PLXDC2: variants seen among roughly 807,000 people sequenced by gnomAD.
The protein encoded by PLXDC2 is plexin domain containing 2, also known as plexin domain-containing protein 2.
In PLXDC2, 40 loss-of-function variants were observed where a neutral mutation model predicts 68.9. The observed-to-expected ratio is 0.58, with a 90% CI of 0.45 to 0.76. The LOEUF (loss-of-function observed/expected upper bound fraction) is 0.76, where lower values mean the gene tolerates loss of function less well. Among genes scored for constraint, PLXDC2 ranks in the 30% least tolerant of loss-of-function variants. PLXDC2 has a pLI of 0.00. For synonymous variants in PLXDC2, 243 were observed against 234.2 expected (o/e 1.04, Z -0.34); for missense variants, 644 against 661.9 (o/e 0.97, Z 0.30).
chr10:19,987,552 G>C (rs1370893905), intron 1 of PLXDC2, among the ~76,000 whole-genome samples: 1 of 78,442 alleles, frequency 1.3e-5, no homozygotes, highest in Non-Finnish European at 2.6e-5. Flanking sequence ...ATGTTATTTG[G>C]TTTTGTTTTG....
chr10:20,072,045 A>G (rs1161270578), intron 4 of PLXDC2, among the ~76,000 whole-genome samples: 2 of 152,038 alleles, frequency 1.3e-5, no homozygotes, highest in Non-Finnish European at 2.9e-5. Flanking sequence ...GTTGTGGAGT[A>G]CTTTGAACGT....
chr10:19,903,995 G>A (rs985683395), intron 1 of PLXDC2, among the ~76,000 whole-genome samples: 1 of 151,968 alleles, frequency 6.6e-6, no homozygotes, highest in East Asian at 1.9e-4. Flanking sequence ...GTGGTTTTGA[G>A]GGTTCCTTTT....
chr10:20,100,969 A>G (rs965345046), intron 4 of PLXDC2, among the ~76,000 whole-genome samples: 20 of 152,150 alleles, frequency 1.3e-4, no homozygotes, highest in Admixed American at 3.3e-4. Flanking sequence ...TGTTGTTCTC[A>G]CTTACTAGTT....
At chr10:20,050,051 A>C (rs1835864876) in intron 3 of PLXDC2, among the ~76,000 whole-genome samples, 2 of 152,162 alleles carry the variant, frequency 1.3e-5, no homozygotes, top group East Asian at 3.9e-4. Flanking sequence ...CCCAGAAATA[A>C]GGCCACATAC....
At chr10:19,973,335 TG>T (rs1311926654) in intron 1 of PLXDC2, among the ~76,000 whole-genome samples, 9 of 148,628 alleles carry the variant, frequency 6.1e-5, no homozygotes, top group Admixed American at 4.7e-4. Flanking sequence ...TACATATATA[TG>T]TGTATATATG....
intron 1 of PLXDC2, among the ~76,000 whole-genome samples, chr10:19,962,460 G>T (rs1314979399): frequency 7.5e-6 from 1 of 132,478 alleles, no homozygotes; most frequent in Non-Finnish European, 1.5e-5. Context: ...GCACGATCTC[G>T]GCTCACTGCA....
intron 1 of PLXDC2, among the ~76,000 whole-genome samples, chr10:19,886,023 A>G (rs1837839891): frequency 6.6e-6 from 1 of 151,952 alleles, no homozygotes; most frequent in African/African-American, 2.4e-5. Flanking sequence ...ATCCTGTTTT[A>G]TTTCATTGAG....
intron 1 of PLXDC2, among the ~76,000 whole-genome samples, chr10:19,942,560 C>G (rs1280900548): frequency 6.6e-6 from 1 of 152,074 alleles, no homozygotes; most frequent in Non-Finnish European, 1.5e-5. Context: ...GTCAGGAGTT[C>G]AAGACCACCT....
chr10:19,880,262 T>A (rs1837703936), intron 1 of PLXDC2, among the ~76,000 whole-genome samples: 2 of 152,208 alleles, frequency 1.3e-5, no homozygotes, highest in South Asian at 4.1e-4. Flanking sequence ...ATACTTGCAG[T>A]AGTCCTCCCT....
At chr10:19,996,424 ATAAAAT>A (rs1234215786) in intron 1 of PLXDC2, among the ~76,000 whole-genome samples, 2 of 152,194 alleles carry the variant, frequency 1.3e-5, no homozygotes, top group African/African-American at 2.4e-5. Flanking sequence ...TCTACAAAAA[ATAAAAT>A]TAAAAATTAG....
chr10:19,824,970 G>GTT (rs1836543145), intron 1 of PLXDC2, among the ~76,000 whole-genome samples: 2 of 152,148 alleles, frequency 1.3e-5, no homozygotes, highest in African/African-American at 4.8e-5. Context: ...ACTAAGTGAC[G>GTT]TTACTGGATA....
intron 4 of PLXDC2, among the ~76,000 whole-genome samples, chr10:20,070,315 G>A (rs1405513230): frequency 6.6e-6 from 1 of 152,166 alleles, no homozygotes; most frequent in Non-Finnish European, 1.5e-5. Flanking sequence ...GCAACTATTT[G>A]TGTGAAAAAT....
chr10:20,095,540 A>C (rs925771128), intron 4 of PLXDC2, among the ~76,000 whole-genome samples: 2 of 152,158 alleles, frequency 1.3e-5, no homozygotes, highest in African/African-American at 2.4e-5. Flanking sequence ...GGACATTTTT[A>C]AGATTTTAGG....
chr10:20,270,745 A>G (rs552788011), intron 13 of PLXDC2, among the ~76,000 whole-genome samples: 52 of 152,112 alleles, frequency 3.4e-4, no homozygotes, highest in Middle Eastern at 3.4e-3. Flanking sequence ...GGGTTTCACC[A>G]TGTTGGCCTC....
At chr10:20,189,827 G>C (rs796516667) in intron 9 of PLXDC2, among the ~76,000 whole-genome samples, 32 of 151,212 alleles carry the variant, frequency 2.1e-4, no homozygotes, top group African/African-American at 7.5e-4. Context: ...TTTGCATTTT[G>C]GTCTCTGTCT....
At chr10:20,278,465 C>T (rs1182875439) in intron 13 of PLXDC2, among the ~76,000 whole-genome samples, 1 of 152,046 alleles carries the variant, frequency 6.6e-6, no homozygotes, top group Non-Finnish European at 1.5e-5. Context: ...GCTGTGTGGC[C>T]CTCTCTTTAG....
chr10:20,161,618 G>T (rs1008303743), intron 6 of PLXDC2, among the ~76,000 whole-genome samples: 2 of 151,878 alleles, frequency 1.3e-5, no homozygotes, highest in African/African-American at 4.8e-5. Flanking sequence ...GGAGGAGAGG[G>T]CTTGACATAG....
At chr10:19,964,216 G>C (rs550986897) in intron 1 of PLXDC2, among the ~76,000 whole-genome samples, 67 of 152,278 alleles carry the variant, frequency 4.4e-4, no homozygotes, top group African/African-American at 1.5e-3. Flanking sequence ...AAATGGATTT[G>C]GTGAGAGATG....
At chr10:19,932,154 G>A (rs1037785115) in intron 1 of PLXDC2, among the ~76,000 whole-genome samples, 1 of 152,148 alleles carries the variant, frequency 6.6e-6, no homozygotes, top group Non-Finnish European at 1.5e-5. Context: ...CATAGTGTTC[G>A]CTATTTTTGT....
Sources: allele counts gnomAD v4.1 joint callset (sites outside exome capture counted in the v4.1 genomes callset), GRCh38; gene constraint gnomAD v4.1.1; transcripts MANE v1.5; gene names NCBI Gene and HGNC (gene_info 2026-07-23, HGNC 2026-07-21).